Variants in HMGCS2 observed in about 807,000 individuals in gnomAD.
The protein encoded by HMGCS2 is 3-hydroxy-3-methylglutaryl-CoA synthase 2.
HMGCS2 carries 50 observed loss-of-function variants against 57.4 expected under a neutral mutation model. That is an observed-to-expected ratio of 0.87 (90% CI 0.69 to 1.10). The LOEUF (loss-of-function observed/expected upper bound fraction) is 1.10, where lower values mean the gene tolerates loss of function less well. Ranked by LOEUF, HMGCS2 falls within the 50% of genes least tolerant of loss-of-function variation. HMGCS2 has a pLI of 0.00. For synonymous variants in HMGCS2, 254 were observed against 245.1 expected, an observed-to-expected ratio of 1.04 and a Z score of -0.34; for missense variants, 627 against 636.5, an observed-to-expected ratio of 0.99 and a Z score of 0.16.
intron 4 of HMGCS2, among the ~76,000 whole-genome samples, chr1:119,758,386 A>G (rs1223142484): frequency 6.7e-6 from 1 of 150,370 alleles, no homozygotes; most frequent in Non-Finnish European, 1.5e-5. Flanking sequence ...GGCTTATGCC[A>G]CCATGCCTGG....
chr1:119,752,513 G>A (rs769662232), intron 8 of HMGCS2, 36 bp downstream of exon 8: 2 of 1,609,924 alleles, frequency 1.2e-6, no homozygotes, highest in Non-Finnish European at 1.7e-6. Flanking sequence ...TACTGGAATG[G>A]GGTCTCTCTT....
intron 9 of HMGCS2, among the ~76,000 whole-genome samples, chr1:119,750,339 T>C (rs1396077308): frequency 1.3e-5 from 2 of 152,148 alleles, no homozygotes; most frequent in Non-Finnish European, 2.9e-5. Context: ...TAGGTTCAGG[T>C]TCACAGCCTG....
At chr1:119,759,838 C>T in intron 3 of HMGCS2, 26 bp downstream of exon 3, 1 of 1,613,570 alleles carries the variant, frequency 6.2e-7, no homozygotes, top group Non-Finnish European at 8.5e-7. Flanking sequence ...CCATGCACAG[C>T]CTCTTGGTAA....
intron 2 of HMGCS2, among the ~76,000 whole-genome samples, chr1:119,761,631 G>T (rs113846069): frequency 0.033 from 4,993 of 152,172 alleles, 127 homozygotes; most frequent in Middle Eastern, 0.068. Flanking sequence ...CGGGTGTGGT[G>T]GTGGGGTCCT....
intron 2 of HMGCS2, among the ~76,000 whole-genome samples, chr1:119,763,754 C>A (rs762829342): frequency 6.6e-5 from 10 of 152,128 alleles, no homozygotes; most frequent in Admixed American, 2.6e-4. Flanking sequence ...GTTTTTTTCC[C>A]GAACATCTAA....
At position 119,757,321 on chromosome 1, in the gene HMGCS2, G is replaced by T; in HGVS notation, c.968C>A (p.Ala323Asp). 2 of 1,614,176 alleles carry T rather than the reference G, an allele frequency of 1.2e-6. No individual in the cohort carries two copies. The part of the protein sequence containing the change: ...ARLMFNDFLS[A>D]SSDTQTSLYK... ...TAAGCTGGTTTGTGTGTCACTGCTG[G>T]CTGACAGGAAGTCATTGAACATCAG... Residue 323 changes from alanine (A) to aspartate (D), a missense_variant, in exon 5 of 10, where the codon GCC becomes GAC. Transcript: ENST00000369406.
intron 2 of HMGCS2, 75 bp downstream of exon 2, chr1:119,764,097 C>G: frequency 7.2e-7 from 1 of 1,392,596 alleles, no homozygotes. Flanking sequence ...ACCTGGGGAA[C>G]TGAAAAGCAA....
intron 1 of HMGCS2, 109 bp from the exon 2 acceptor site, chr1:119,764,735 T>C (rs1298168190): frequency 2.3e-6 from 2 of 851,754 alleles, no homozygotes; most frequent in East Asian, 2.6e-5. Context: ...TGAAGCTATG[T>C]TATCAGATGA....
At chr1:119,757,104 C>T (rs1652866975) in intron 5 of HMGCS2, among the ~76,000 whole-genome samples, 169 bp downstream of exon 5, 1 of 152,284 alleles carries the variant, frequency 6.6e-6, no homozygotes, top group Admixed American at 6.5e-5. Context: ...GGGCCCTACC[C>T]AGACAATAAC....
Position 119,764,463 on chromosome 1 carries a change from G to C in HMGCS2, c.268C>G (p.Gln90Glu). 6.2e-7 allele frequency: 1 copy of C among 1,613,016 alleles called. No homozygotes were observed. Among genetic ancestry groups the C allele is most frequent in the Non-Finnish European group, 8.5e-7 (1 of 1,179,064 alleles). The stretch of plus-strand genomic sequence containing the variant: ...ACTGAGCAGAAGCCCATACGGGTCT[G>C]GCCCAAGCCCACTGTATACTTTCCT... ...EAGKYTVGLG[Q>E]TRMGFCSVQE... The change falls in exon 2 of 10, where the codon CAG becomes GAG. Residue 90 changes from glutamine (Q) to glutamate (E), a missense_variant. Physicochemically the swap from Gln to Glu is conservative, Grantham distance 29. Coordinates refer to ENST00000369406, the MANE Select transcript of HMGCS2 (RefSeq NM_005518.4).
rs188724409 is a variant in HMGCS2, at chr1:119,768,028, T to C, written c.104+713A>G. On this transcript the variant is annotated intron_variant, in intron 1 of 9. Coordinates refer to ENST00000369406, the MANE Select transcript of HMGCS2 (RefSeq NM_005518.4). ...TTCTAAATATTTAGTAGTCATAGAA[T>C]ATAGAGTAAAAATGTAAGGAAATAA... Among the ~76,000 whole-genome samples, 5 of 152,308 alleles carry C rather than the reference T, an allele frequency of 3.3e-5. No individual in the cohort carries two copies. In the East Asian group the frequency reaches 9.6e-4, roughly 29 times the overall value.
chr1:119,764,059 T>C (rs1653126330), intron 2 of HMGCS2, 113 bp downstream of exon 2: 2 of 812,920 alleles, frequency 2.5e-6, no homozygotes, highest in East Asian at 2.6e-5. Context: ...TGTGTGAATA[T>C]ATTGTCCTTC....
chr1:119,753,882 T>G (rs1386385695), intron 6 of HMGCS2, among the ~76,000 whole-genome samples: 1 of 151,764 alleles, frequency 6.6e-6, no homozygotes, highest in Non-Finnish European at 1.5e-5. Flanking sequence ...TGCCCGTTTT[T>G]TTTTTCTTTT....
At chr1:119,758,173 C>A (rs763723596) in intron 4 of HMGCS2, among the ~76,000 whole-genome samples, 9 of 152,232 alleles carry the variant, frequency 5.9e-5, no homozygotes, top group Non-Finnish European at 1.0e-4. Context: ...TCTGGGCATG[C>A]CTGAGCAGGC....
chr1:119,750,076 C>T (rs917263097), intron 9 of HMGCS2, among the ~76,000 whole-genome samples: 26 of 152,186 alleles, frequency 1.7e-4, no homozygotes, highest in African/African-American at 5.3e-4. Context: ...CTTGTGTCCA[C>T]GAATTTCCTG....
intron 7 of HMGCS2, among the ~76,000 whole-genome samples, 171 bp downstream of exon 7, chr1:119,753,109 C>T (rs1401616163): frequency 2.0e-5 from 3 of 152,118 alleles, no homozygotes; most frequent in Non-Finnish European, 4.4e-5. Context: ...GTGCTTTAAA[C>T]ACATAAATTA....
intron 7 of HMGCS2, 81 bp from the exon 8 acceptor site, chr1:119,752,755 G>T: frequency 6.5e-7 from 1 of 1,527,970 alleles, no homozygotes; most frequent in Non-Finnish European, 9.1e-7. Flanking sequence ...CAGAGAGCCA[G>T]GTTCTGTGGG....
At chr1:119,767,490 G>A (rs1040826719) in intron 1 of HMGCS2, among the ~76,000 whole-genome samples, 1 of 152,154 alleles carries the variant, frequency 6.6e-6, no homozygotes, top group African/African-American at 2.4e-5. Context: ...GTAAGTGGAG[G>A]GCACAAGTCT....
At chr1:119,764,046 A>C in intron 2 of HMGCS2, 126 bp downstream of exon 2, 1 of 755,542 alleles carries the variant, frequency 1.3e-6, no homozygotes, top group East Asian at 2.7e-5. Context: ...TGATAGCAGC[A>C]GCTGTGTGAA....
Sources: gnomAD v4.1 joint callset for allele counts (sites outside exome capture counted in the v4.1 genomes callset) on GRCh38, gnomAD v4.1.1 for gene constraint, MANE v1.5 for transcripts, NCBI Gene and HGNC (gene_info 2026-07-23, HGNC 2026-07-21) for gene names.